Variants in STK32B observed in about 807,000 individuals in gnomAD.
The protein encoded by STK32B is serine/threonine kinase 32B, also known as serine/threonine-protein kinase 32B.
In STK32B, 43 loss-of-function variants were observed where a neutral mutation model predicts 52.6. That is an observed-to-expected ratio of 0.82 (90% CI 0.64 to 1.05). The LOEUF (loss-of-function observed/expected upper bound fraction) is 1.05, where lower values mean the gene tolerates loss of function less well. STK32B is among the 50% of genes least tolerant of loss of function. The pLI is 0.00. For synonymous variants in STK32B, 238 were observed against 204.3 expected (o/e 1.17, Z -1.41); for missense variants, 621 against 534.6 (o/e 1.16, Z -1.59).
chr4:5,307,723 A>G (rs1043236207), intron 3 of STK32B, among the ~76,000 whole-genome samples: 2 of 151,964 alleles, frequency 1.3e-5, no homozygotes, highest in Non-Finnish European at 2.9e-5. Context: ...CAGAATTACC[A>G]TATTTTCTGG....
chr4:5,478,605 A>G (rs1487815616), intron 11 of STK32B, among the ~76,000 whole-genome samples: 1 of 152,226 alleles, frequency 6.6e-6, no homozygotes, highest in African/African-American at 2.4e-5. Flanking sequence ...AATCTCCGGG[A>G]GACTGGAAAG....
chr4:5,062,975 C>T (rs1742273485), intron 1 of STK32B, among the ~76,000 whole-genome samples: 1 of 152,140 alleles, frequency 6.6e-6, no homozygotes, highest in Admixed American at 6.6e-5. Flanking sequence ...TATAGTGTAA[C>T]TCATTTATTT....
intron 3 of STK32B, among the ~76,000 whole-genome samples, chr4:5,201,191 A>T (rs1460823666): frequency 6.6e-6 from 1 of 152,256 alleles, no homozygotes; most frequent in Non-Finnish European, 1.5e-5. Context: ...TTATGTTCTT[A>T]GCAATATTCT....
intron 3 of STK32B, among the ~76,000 whole-genome samples, chr4:5,191,968 A>G (rs370320393): frequency 9.2e-5 from 14 of 152,202 alleles, no homozygotes; most frequent in African/African-American, 3.1e-4. Flanking sequence ...AACCCCACTC[A>G]CCTTCCCTGT....
chr4:5,049,928 G>T (rs1741698151), upstream of STK32B, among the ~76,000 whole-genome samples: 1 of 152,152 alleles, frequency 6.6e-6, no homozygotes, highest in Admixed American at 6.5e-5. Flanking sequence ...TGTTAGAAAG[G>T]GAAAGTTCTC....
intron 1 of STK32B, among the ~76,000 whole-genome samples, chr4:5,125,733 C>T (rs1194001708): frequency 6.6e-6 from 1 of 152,202 alleles, no homozygotes. Context: ...TCTGCTTCTG[C>T]TTTCATCAAG....
At chr4:5,434,452 G>GTATATATATATATA (rs1182103278) in intron 6 of STK32B, among the ~76,000 whole-genome samples, 45 of 143,200 alleles carry the variant, frequency 3.1e-4, no homozygotes, top group South Asian at 4.5e-4. Context: ...GTGTGTGTGT[G>GTATATATATATATA]TGTATATATA....
intron 1 of STK32B, among the ~76,000 whole-genome samples, chr4:5,138,977 C>A (rs540956585): frequency 6.6e-6 from 1 of 152,184 alleles, no homozygotes; most frequent in East Asian, 1.9e-4. Flanking sequence ...GAGGGGACAT[C>A]GGAGGGGAGG....
intron 3 of STK32B, among the ~76,000 whole-genome samples, chr4:5,185,349 G>T (rs1343227889): frequency 6.6e-6 from 1 of 152,172 alleles, no homozygotes; most frequent in Non-Finnish European, 1.5e-5. Context: ...GGGCAATGTA[G>T]GTTTCTAGAA....
chr4:5,385,643 T>TGTAA (rs1179337837), intron 4 of STK32B, among the ~76,000 whole-genome samples: 2 of 152,044 alleles, frequency 1.3e-5, no homozygotes, highest in African/African-American at 4.8e-5. Flanking sequence ...AGGTGTGGTG[T>TGTAA]GTAACCCTTC....
chr4:5,144,783 C>CTCATTCAT (rs71169681), intron 2 of STK32B, among the ~76,000 whole-genome samples: 43,275 of 121,050 alleles, frequency 0.36, 7,756 homozygotes, highest in Non-Finnish European at 0.44. Flanking sequence ...CACTCATTCA[C>CTCATTCAT]TCATCCATCC....
intron 3 of STK32B, among the ~76,000 whole-genome samples, chr4:5,286,212 G>A (rs1728530202): frequency 6.6e-6 from 1 of 152,080 alleles, no homozygotes; most frequent in African/African-American, 2.4e-5. Flanking sequence ...TGTAATCAAA[G>A]AAACTCAAAA....
chr4:5,358,129 C>G (rs1734300161), intron 4 of STK32B, among the ~76,000 whole-genome samples: 1 of 152,126 alleles, frequency 6.6e-6, no homozygotes, highest in Non-Finnish European at 1.5e-5. Flanking sequence ...ACAAGAGAAT[C>G]CAATTTATTC....
intron 3 of STK32B, among the ~76,000 whole-genome samples, chr4:5,282,654 C>A (rs540562455): frequency 6.6e-6 from 1 of 152,040 alleles, no homozygotes; most frequent in African/African-American, 2.4e-5. Flanking sequence ...CTACTATTGA[C>A]CTACTAATGA....
chr4:5,090,773 T>G (rs910334241), intron 1 of STK32B, among the ~76,000 whole-genome samples: 5 of 152,178 alleles, frequency 3.3e-5, no homozygotes, highest in African/African-American at 4.8e-5. Context: ...GAACAGGAGA[T>G]CCTTTCCCCA....
intron 11 of STK32B, among the ~76,000 whole-genome samples, chr4:5,481,788 C>T (rs977883490): frequency 3.3e-5 from 5 of 152,286 alleles, no homozygotes; most frequent in South Asian, 2.1e-4. Flanking sequence ...GATCCAGTTT[C>T]GGCTTTCTAC....
At chr4:5,490,148 C>G (rs972099180) in intron 11 of STK32B, among the ~76,000 whole-genome samples, 2 of 151,530 alleles carry the variant, frequency 1.3e-5, no homozygotes, top group Non-Finnish European at 2.9e-5. Flanking sequence ...ACTCTGCCAC[C>G]CAGGCTGGAG....
At chr4:5,168,753 A>G (rs138201392) in intron 3 of STK32B, among the ~76,000 whole-genome samples, 1 of 152,322 alleles carries the variant, frequency 6.6e-6, no homozygotes, top group East Asian at 1.9e-4. Flanking sequence ...ATAGGCTACT[A>G]AAGGGAGTGG....
chr4:5,259,178 A>G (rs980339893), intron 3 of STK32B, among the ~76,000 whole-genome samples: 2 of 152,162 alleles, frequency 1.3e-5, no homozygotes, highest in African/African-American at 4.8e-5. Flanking sequence ...ATTTTTTTCT[A>G]TAGCAAGAAT....
Sources: gnomAD v4.1 joint callset for allele counts (sites outside exome capture counted in the v4.1 genomes callset) on GRCh38, gnomAD v4.1.1 for gene constraint, MANE v1.5 for transcripts, NCBI Gene and HGNC (gene_info 2026-07-23, HGNC 2026-07-21) for gene names.